The following SPAG16 variants were observed in gnomAD, a reference collection of about 807,000 sequenced individuals.
The protein encoded by SPAG16 is sperm associated antigen 16.
In SPAG16, 86 loss-of-function variants were observed where a neutral mutation model predicts 80.4. The observed-to-expected ratio is 1.07, with a 90% CI of 0.90 to 1.28. The LOEUF is 1.28. Among genes scored for constraint, SPAG16 ranks in the 50% most tolerant of loss-of-function variants. SPAG16 has a pLI of 0.00. For synonymous variants in SPAG16, 294 were observed against 265.9 expected (o/e 1.11, Z -1.03); for missense variants, 870 against 765.3 (o/e 1.14, Z -1.61).
chr2:213,876,304 C>CAAAA (rs71063792), intron 11 of SPAG16, among the ~76,000 whole-genome samples: 3 of 80,184 alleles, frequency 3.7e-5, no homozygotes, highest in African/African-American at 1.1e-4. Flanking sequence ...AACTTTGAAC[C>CAAAA]AAAAAAAAAA....
chr2:213,608,608 A>G (rs1441245586), intron 10 of SPAG16, among the ~76,000 whole-genome samples: 5 of 152,158 alleles, frequency 3.3e-5, no homozygotes, highest in African/African-American at 9.7e-5. Flanking sequence ...AGTCTTTGCT[A>G]TTGTGAATAG....
At chr2:213,580,329 T>A (rs2060260893) in intron 10 of SPAG16, among the ~76,000 whole-genome samples, 1 of 152,158 alleles carries the variant, frequency 6.6e-6, no homozygotes, top group African/African-American at 2.4e-5. Context: ...TTTATATCTT[T>A]GGATCTTCAT....
chr2:213,835,148 G>A (rs891038744), intron 10 of SPAG16, among the ~76,000 whole-genome samples: 1 of 152,104 alleles, frequency 6.6e-6, no homozygotes, highest in African/African-American at 2.4e-5. Flanking sequence ...TCAACACACA[G>A]ACACAAAGCT....
At chr2:213,433,950 C>T (rs1478466001) in intron 9 of SPAG16, among the ~76,000 whole-genome samples, 35 of 113,458 alleles carry the variant, frequency 3.1e-4, no homozygotes, top group African/African-American at 1.2e-3. Flanking sequence ...GACATTGTCT[C>T]GTTCTTGTCA....
intron 10 of SPAG16, among the ~76,000 whole-genome samples, chr2:213,596,291 G>A (rs573177368): frequency 6.6e-6 from 1 of 152,028 alleles, no homozygotes; most frequent in Non-Finnish European, 1.5e-5. Context: ...TAATATCCTT[G>A]TCTTTCTCAT....
chr2:213,841,142 C>T (rs1230794823), intron 10 of SPAG16, among the ~76,000 whole-genome samples: 2 of 151,770 alleles, frequency 1.3e-5, no homozygotes, highest in African/African-American at 4.8e-5. Context: ...TGATTGGTTT[C>T]CCTTAAAAAA....
intron 9 of SPAG16, among the ~76,000 whole-genome samples, chr2:213,478,958 G>T (rs969114689): frequency 6.6e-6 from 1 of 151,970 alleles, no homozygotes; most frequent in African/African-American, 2.4e-5. Context: ...GATGCATTTT[G>T]TTTGGTCCTC....
chr2:213,435,048 T>G (rs1056077449), intron 9 of SPAG16, among the ~76,000 whole-genome samples: 4 of 152,196 alleles, frequency 2.6e-5, no homozygotes, highest in African/African-American at 9.6e-5. Flanking sequence ...AGGACAGATA[T>G]GTAATCAACC....
intron 3 of SPAG16, among the ~76,000 whole-genome samples, chr2:213,308,096 C>A (rs2063028567): frequency 6.6e-6 from 1 of 152,024 alleles, no homozygotes; most frequent in African/African-American, 2.4e-5. Context: ...AGACTTCTTG[C>A]CAATGCGAAG....
intron 10 of SPAG16, among the ~76,000 whole-genome samples, chr2:213,706,565 C>A (rs759840336): frequency 3.3e-5 from 5 of 152,204 alleles, no homozygotes; most frequent in Non-Finnish European, 7.3e-5. Context: ...GTCTCCTTAG[C>A]TCCCATTTTT....
intron 10 of SPAG16, among the ~76,000 whole-genome samples, chr2:213,752,957 A>G (rs993603022): frequency 1.3e-5 from 2 of 152,220 alleles, no homozygotes; most frequent in Admixed American, 6.5e-5. Context: ...ACATGTATTT[A>G]TATATACTGA....
intron 11 of SPAG16, among the ~76,000 whole-genome samples, chr2:213,903,819 G>C (rs11685778): frequency 0.58 from 88,907 of 152,036 alleles, 27,826 homozygotes; most frequent in South Asian, 0.84. Context: ...CAAGTCACCT[G>C]CTGAATGTTT....
intron 13 of SPAG16, among the ~76,000 whole-genome samples, chr2:214,103,592 A>G (rs2053203444): frequency 6.6e-6 from 1 of 152,206 alleles, no homozygotes; most frequent in Non-Finnish European, 1.5e-5. Flanking sequence ...AACATCTGCA[A>G]TAAAGGAAAC....
chr2:213,832,977 A>T (rs1041576441), intron 10 of SPAG16, among the ~76,000 whole-genome samples: 18 of 152,222 alleles, frequency 1.2e-4, no homozygotes, highest in African/African-American at 4.1e-4. Flanking sequence ...TTCTGCTATG[A>T]AATTTGTATA....
intron 10 of SPAG16, among the ~76,000 whole-genome samples, chr2:213,718,585 G>A (rs2066357658): frequency 6.6e-6 from 1 of 152,214 alleles, no homozygotes; most frequent in African/African-American, 2.4e-5. Flanking sequence ...CGCACTGGAA[G>A]CAGCCAGTCA....
chr2:213,681,539 G>T (rs2064381322), intron 10 of SPAG16, among the ~76,000 whole-genome samples: 1 of 152,106 alleles, frequency 6.6e-6, no homozygotes. Context: ...GTTGCAGAGG[G>T]ATTAACACAT....
intron 15 of SPAG16, among the ~76,000 whole-genome samples, chr2:214,277,618 G>A (rs1362611759): frequency 6.6e-6 from 1 of 152,208 alleles, no homozygotes; most frequent in Non-Finnish European, 1.5e-5. Context: ...ACCAGCGGAG[G>A]CTGAAGAATA....
intron 10 of SPAG16, among the ~76,000 whole-genome samples, chr2:213,528,253 C>T (rs1298521654): frequency 6.6e-6 from 1 of 151,830 alleles, no homozygotes; most frequent in African/African-American, 2.4e-5. Flanking sequence ...AGAAAAATAA[C>T]ATTTATTTTC....
chr2:214,081,489 C>CAG (rs1473874687), intron 13 of SPAG16, among the ~76,000 whole-genome samples: 1 of 152,044 alleles, frequency 6.6e-6, no homozygotes, highest in Non-Finnish European at 1.5e-5. Flanking sequence ...GGGACAGGGA[C>CAG]AGAGAGAGAG....
Sources: allele counts gnomAD v4.1 joint callset (sites outside exome capture counted in the v4.1 genomes callset), GRCh38; gene constraint gnomAD v4.1.1; transcripts MANE v1.5; gene names NCBI Gene and HGNC (gene_info 2026-07-23, HGNC 2026-07-21).